Variants in REPS1 observed in about 807,000 individuals in gnomAD.
REPS1 encodes the protein RALBP1 associated Eps domain containing 1, also known as ralBP1-associated Eps domain-containing protein 1.
REPS1 carries 39 observed loss-of-function variants against 100.9 expected under a neutral mutation model. The ratio of observed to expected loss-of-function variants is 0.39; its 90% confidence interval spans 0.30 to 0.50. REPS1 has a LOEUF of 0.50. Ranked by LOEUF, REPS1 falls within the 20% of genes least tolerant of loss-of-function variation. The pLI is 0.86. For synonymous variants in REPS1, 324 were observed against 340.3 expected, an observed-to-expected ratio of 0.95 and a Z score of 0.53; for missense variants, 821 against 968.5, an observed-to-expected ratio of 0.85 and a Z score of 2.02.
chr6:138,970,840 C>T (rs1784304350), intron 1 of REPS1, among the ~76,000 whole-genome samples: 1 of 151,942 alleles, frequency 6.6e-6, no homozygotes, highest in South Asian at 2.1e-4. Context: ...AAGAACAGGC[C>T]AGGGTACAGG....
intron 1 of REPS1, among the ~76,000 whole-genome samples, chr6:138,972,440 C>T (rs533810274): frequency 2.1e-4 from 32 of 152,232 alleles, no homozygotes; most frequent in Admixed American, 1.6e-3. Context: ...AGGCTGATTA[C>T]GCATGACTAA....
At chr6:138,962,390 A>G (rs916374646) in intron 1 of REPS1, among the ~76,000 whole-genome samples, 1 of 151,930 alleles carries the variant, frequency 6.6e-6, no homozygotes, top group Non-Finnish European at 1.5e-5. Context: ...AAGGCCATCA[A>G]TGAATTATTA....
intron 17 of REPS1, among the ~76,000 whole-genome samples, chr6:138,909,680 T>A (rs1779884851): frequency 1.3e-5 from 2 of 152,234 alleles, no homozygotes; most frequent in South Asian, 2.1e-4. Context: ...CTAATGGTTT[T>A]ACAGTGAGGC....
chr6:138,929,857 C>G, intron 9 of REPS1, 120 bp downstream of exon 9: 1 of 907,630 alleles, frequency 1.1e-6, no homozygotes, highest in Non-Finnish European at 1.7e-6. Context: ...CATAGTATAT[C>G]TGATATGTTC....
chr6:138,908,232 C>T (rs1779788568), intron 18 of REPS1, among the ~76,000 whole-genome samples: 1 of 152,160 alleles, frequency 6.6e-6, no homozygotes, highest in African/African-American at 2.4e-5. Flanking sequence ...CCTACCCGTA[C>T]ATGAGGAGGC....
chr6:138,933,373 ACTG>A, intron 8 of REPS1, among the ~76,000 whole-genome samples: 1 of 152,256 alleles, frequency 6.6e-6, no homozygotes, highest in South Asian at 2.1e-4. Context: ...AGTGATGAGC[ACTG>A]CTGTGTTCTA....
chr6:138,983,513 G>C (rs1400029194), intron 1 of REPS1, among the ~76,000 whole-genome samples: 2 of 152,052 alleles, frequency 1.3e-5, no homozygotes, highest in African/African-American at 4.8e-5. Context: ...CAAGGTTGTT[G>C]CAAGAATCAA....
intron 10 of REPS1, among the ~76,000 whole-genome samples, chr6:138,924,957 A>G (rs1020270453): frequency 6.6e-6 from 1 of 152,206 alleles, no homozygotes; most frequent in African/African-American, 2.4e-5. Flanking sequence ...TACTTAATAG[A>G]CAATAAAATA....
At chr6:138,907,111 C>T (rs576921690) in intron 19 of REPS1, among the ~76,000 whole-genome samples, 4 of 152,042 alleles carry the variant, frequency 2.6e-5, no homozygotes, top group African/African-American at 9.7e-5. Context: ...GAAATTGCTG[C>T]CACTTCTCTT....
intron 13 of REPS1, among the ~76,000 whole-genome samples, chr6:138,916,533 T>C (rs890715651): frequency 9.9e-5 from 15 of 152,164 alleles, no homozygotes; most frequent in Non-Finnish European, 1.8e-4. Context: ...AAAAGAAACT[T>C]AGTTGTCAAC....
chr6:138,929,778 G>C, intron 9 of REPS1, 199 bp downstream of exon 9: 1 of 443,924 alleles, frequency 2.3e-6, no homozygotes, highest in Non-Finnish European at 4.0e-6. Context: ...GGGGATAAGT[G>C]GTGGAAATCA....
chr6:138,954,551 G>C (rs1783253016), intron 1 of REPS1, among the ~76,000 whole-genome samples: 2 of 146,998 alleles, frequency 1.4e-5, no homozygotes, highest in Admixed American at 1.3e-4. Flanking sequence ...GATGTTTTAA[G>C]AAAGTTTACA....
At position 138,915,973 on chromosome 6, in the gene REPS1, A is replaced by G. The variant is rs769758915; in HGVS notation, c.1605T>C (p.Ser535=). The change falls in exon 14 of 20, where the codon TCT becomes TCC. Residue 535 remains serine (S), a synonymous_variant. Coordinates refer to ENST00000450536, the MANE Select transcript of REPS1 (RefSeq NM_001286611.2). The part of the protein sequence containing the change: ...QIGSNVTRQR[S]HSGTSPDNTA... ...TGTTATCAGGCGACGTTCCTGAATG[A>G]GACCTGCAAAATTCACCCCATGATA... The G allele has an allele frequency of 4.3e-6, 7 of 1,609,520 alleles. No homozygotes were observed. The Admixed American group carries it at 6.7e-5, about 15-fold the overall frequency.
At chr6:138,984,664 G>C (rs148591079) in intron 1 of REPS1, among the ~76,000 whole-genome samples, 1 of 151,950 alleles carries the variant, frequency 6.6e-6, no homozygotes, top group African/African-American at 2.4e-5. Flanking sequence ...TTCTCACTTC[G>C]TATCTGCCAT....
rs1426246993 is a variant in REPS1 at position 138,943,395 on chromosome 6, GTTCT to G, written c.980+114_980+117del. On this transcript the variant is annotated intron_variant, in intron 7 of 19. Transcript: ENST00000450536. ...GCTGGCTATTGTAAGGCAATACTGA[GTTCT>G]TTGACAGCATTCTTGAAGGGGTTAG... 5.1e-6 allele frequency: 3 copies of G among 586,612 alleles called. No individual in the cohort carries two copies. The African/African-American group carries it at 5.5e-5, about 11-fold the overall frequency. The allele number at this position is 586,612 out of a possible 1,614,324, so 36.3% of individuals were successfully genotyped here. A position where few individuals can be genotyped will look rare whatever the true frequency, so the allele number is the denominator to read the frequency against.
At chr6:138,987,394 C>T (rs1395859098) in intron 1 of REPS1, 136 bp downstream of exon 1, 10 of 943,396 alleles carry the variant, frequency 1.1e-5, no homozygotes, top group East Asian at 5.8e-5. Flanking sequence ...CGGGCACCTG[C>T]GGCCCCTGCC....
intron 19 of REPS1, 76 bp from the exon 20 acceptor site, chr6:138,905,208 C>A (rs1779552461): frequency 1.2e-6 from 1 of 868,244 alleles, no homozygotes; most frequent in African/African-American, 1.7e-5. Context: ...AGCTCTGCTT[C>A]AAGAAAACAA....
intron 10 of REPS1, among the ~76,000 whole-genome samples, chr6:138,922,695 T>C (rs760625660): frequency 6.6e-6 from 1 of 152,196 alleles, no homozygotes; most frequent in Admixed American, 6.5e-5. Flanking sequence ...GCTCCTTCTA[T>C]GAGGGGTCAG....
At chr6:138,985,601 AGACT>A (rs1453889920) in intron 1 of REPS1, among the ~76,000 whole-genome samples, 1 of 152,244 alleles carries the variant, frequency 6.6e-6, no homozygotes, top group Admixed American at 6.5e-5. Context: ...CAAGATATCT[AGACT>A]GCTATTTAGT....
Sources: allele counts gnomAD v4.1 joint callset (sites outside exome capture counted in the v4.1 genomes callset), GRCh38; gene constraint gnomAD v4.1.1; transcripts MANE v1.5; gene names NCBI Gene and HGNC (gene_info 2026-07-23, HGNC 2026-07-21).